FRMPD2: variants seen among roughly 807,000 people sequenced by gnomAD.
FRMPD2 encodes the protein FERM and PDZ domain-containing protein 2.
FRMPD2 carries 96 observed loss-of-function variants against 140.1 expected under a neutral mutation model. The observed-to-expected ratio is 0.69, with a 90% CI of 0.58 to 0.81. FRMPD2 has a LOEUF of 0.81. FRMPD2 is among the 40% of genes least tolerant of loss of function. The pLI is 0.00. For missense variants in FRMPD2, 1,240 were observed against 1,447.4 expected, an observed-to-expected ratio of 0.86 and a Z score of 2.32; for synonymous variants, 449 against 547.6, an observed-to-expected ratio of 0.82 and a Z score of 2.52.
intron 8 of FRMPD2, 101 bp from the exon 9 acceptor site, chr10:48,236,654 A>C (rs532823868): frequency 9.3e-7 from 1 of 1,078,196 alleles, no homozygotes; most frequent in Admixed American, 1.9e-5. Context: ...ACCAGCATAC[A>C]TTCCCCAGAG....
At chr10:48,242,378 G>A (rs1170426120) in intron 4 of FRMPD2, 26 bp from the exon 5 acceptor site, 2 of 1,600,054 alleles carry the variant, frequency 1.2e-6, no homozygotes, top group South Asian at 1.1e-5. Context: ...GCCGGTGAGA[G>A]GAGAGAGCAG....
intron 3 of FRMPD2, chr10:48,248,767 C>A: frequency 6.5e-6 from 2 of 308,920 alleles, no homozygotes; most frequent in Non-Finnish European, 1.2e-5. Context: ...TGATAATAAC[C>A]TGATCAATTA....
chr10:48,172,864 T>C (rs1178841847), intron 25 of FRMPD2, 82 bp downstream of exon 25: 5 of 780,752 alleles, frequency 6.4e-6, no homozygotes, highest in East Asian at 2.5e-5. Flanking sequence ...GAAGCCTTCC[T>C]GCCTTTCCCT....
intron 10 of FRMPD2, among the ~76,000 whole-genome samples, chr10:48,223,775 T>C (rs1839662955): frequency 6.6e-6 from 1 of 152,198 alleles, no homozygotes; most frequent in African/African-American, 2.4e-5. Flanking sequence ...GAGGTAACTA[T>C]GTTTAGATGA....
chr10:48,244,733 A>C (rs1840204160), intron 4 of FRMPD2, 51 bp downstream of exon 4: 1 of 1,423,586 alleles, frequency 7.0e-7, no homozygotes, highest in South Asian at 1.1e-5. Context: ...AAACCACTAA[A>C]TAAACCCAGA....
intron 15 of FRMPD2, among the ~76,000 whole-genome samples, chr10:48,198,214 G>A (rs186779352): frequency 3.0e-4 from 46 of 152,228 alleles, no homozygotes; most frequent in African/African-American, 8.2e-4. Flanking sequence ...AGAGAAAACA[G>A]TCGTGCCTGC....
chr10:48,192,085 T>C (rs987228539), intron 16 of FRMPD2, among the ~76,000 whole-genome samples: 2 of 152,110 alleles, frequency 1.3e-5, no homozygotes, highest in East Asian at 1.9e-4. Flanking sequence ...TTGCAACTTG[T>C]TTATTTGTCC....
chr10:48,258,027 C>A (rs1321699533), intron 1 of FRMPD2, among the ~76,000 whole-genome samples: 2 of 152,192 alleles, frequency 1.3e-5, no homozygotes, highest in Admixed American at 6.5e-5. Context: ...CTCCATGACA[C>A]CCTAGGAAGG....
chr10:48,271,912 C>T (rs1310569205), intron 1 of FRMPD2, among the ~76,000 whole-genome samples: 1 of 152,170 alleles, frequency 6.6e-6, no homozygotes, highest in Non-Finnish European at 1.5e-5. Flanking sequence ...TTGTGTCTGG[C>T]ATATGGCAGT....
At chr10:48,158,244 G>C (rs1837840030) in intron 28 of FRMPD2, among the ~76,000 whole-genome samples, 1 of 147,348 alleles carries the variant, frequency 6.8e-6, no homozygotes. Flanking sequence ...TGGTCCCAAG[G>C]GTGAAATCTT....
At chr10:48,193,061 T>C in intron 15 of FRMPD2, 167 bp from the exon 16 acceptor site, 1 of 612,074 alleles carries the variant, frequency 1.6e-6, no homozygotes, top group South Asian at 2.0e-5. Context: ...GGTCTCCTAA[T>C]TAGCACTTGC....
rs1588847696 is a variant in FRMPD2 at position 48,238,252 on chromosome 10, C to G, written c.789-129G>C. On this transcript the variant is annotated intron_variant, in intron 7 of 28. Coordinates refer to ENST00000374201, the MANE Select transcript of FRMPD2 (RefSeq NM_001018071.4). ...TGATGCATGTCACCTTCTCCCCCAC[C>G]TATGGGGGAGTTATATCCATTTTTC... is the stretch of plus-strand genomic sequence containing the variant. 3.3e-6 allele frequency: 3 copies of G among 914,022 alleles called. No individual in the cohort carries two copies. In the East Asian group the frequency reaches 7.6e-5, roughly 23 times the overall value. 56.6% of individuals were successfully genotyped at this position (914,022 alleles called of 1,614,324 possible).
chr10:48,164,702 C>A (rs1217419729), intron 27 of FRMPD2, among the ~76,000 whole-genome samples: 1 of 150,388 alleles, frequency 6.6e-6, no homozygotes, highest in East Asian at 1.9e-4. Flanking sequence ...CACCAAAAAT[C>A]AAAATTTTAA....
intron 9 of FRMPD2, among the ~76,000 whole-genome samples, chr10:48,232,663 G>A (rs973785343): frequency 2.0e-5 from 3 of 152,110 alleles, no homozygotes; most frequent in African/African-American, 7.2e-5. Context: ...GAATCATATG[G>A]CCCTGGATCA....
chr10:48,180,523 A>C (rs1197544799), intron 21 of FRMPD2, among the ~76,000 whole-genome samples: 1 of 151,920 alleles, frequency 6.6e-6, no homozygotes, highest in Non-Finnish European at 1.5e-5. Flanking sequence ...CACAACAATT[A>C]TAATTAGTGA....
chr10:48,270,139 G>T (rs1840741744), intron 1 of FRMPD2, among the ~76,000 whole-genome samples: 1 of 152,198 alleles, frequency 6.6e-6, no homozygotes, highest in South Asian at 2.1e-4. Flanking sequence ...AAGAAACGGT[G>T]ATTCCTTATT....
intron 1 of FRMPD2, among the ~76,000 whole-genome samples, chr10:48,254,438 T>C (rs891419633): frequency 2.0e-5 from 3 of 152,228 alleles, no homozygotes; most frequent in Admixed American, 2.0e-4. Context: ...CACCTCCCTG[T>C]CCCTTGCTTA....
chr10:48,245,702 A>C (rs1392076914), intron 3 of FRMPD2, among the ~76,000 whole-genome samples: 1 of 152,200 alleles, frequency 6.6e-6, no homozygotes, highest in African/African-American at 2.4e-5. Flanking sequence ...AGGTACTTTA[A>C]TTGTCCCCAC....
At position 48,182,747 on chromosome 10, in the gene FRMPD2, C is replaced by A. The variant is rs561143412; in HGVS notation, c.2585-1739G>T. ...GTTGTGGTTTGAGAATAGCAGACCT[C>A]GAGTACTGCTTTTTGACAACCTCCA... On this transcript the variant is annotated intron_variant, in intron 20 of 28. Coordinates refer to ENST00000374201, the MANE Select transcript of FRMPD2 (RefSeq NM_001018071.4). 9.8e-4 allele frequency among the ~76,000 whole-genome samples: 149 copies of A among 152,338 alleles called. 2 individuals are homozygous for A. The highest frequency in any genetic ancestry group is 3.3e-3 in the African/African-American group (136 of 41,568).
Sources: gnomAD v4.1 joint callset for allele counts (sites outside exome capture counted in the v4.1 genomes callset) on GRCh38, gnomAD v4.1.1 for gene constraint, MANE v1.5 for transcripts, NCBI Gene and HGNC (gene_info 2026-07-23, HGNC 2026-07-21) for gene names.